The following HS6ST3 variants were observed in gnomAD, a reference collection of about 807,000 sequenced individuals.
The protein encoded by HS6ST3 is heparan sulfate 6-O-sulfotransferase 3.
HS6ST3 carries 12 observed loss-of-function variants against 36.7 expected under a neutral mutation model. That is an observed-to-expected ratio of 0.33 (90% confidence interval 0.21 to 0.53). The LOEUF (loss-of-function observed/expected upper bound fraction) is 0.53, where lower values mean the gene tolerates loss of function less well. Among genes scored for constraint, HS6ST3 ranks in the 20% least tolerant of loss-of-function variants. The probability of loss-of-function intolerance (pLI) is 0.95; values close to 1 mark genes in which losing one functional copy is unlikely to be tolerated. For synonymous variants in HS6ST3, 240 were observed against 257.5 expected (o/e 0.93, Z 0.65); for missense variants, 584 against 640.9 (o/e 0.91, Z 0.96).
intron 1 of HS6ST3, among the ~76,000 whole-genome samples, chr13:96,118,643 AAGATATATATATATATATATATATAT>A (rs1292972036): frequency 1.5e-5 from 1 of 67,984 alleles, no homozygotes; most frequent in African/African-American, 6.1e-5. Context: ...AAGAACATTA[AAGATATATATATATATATATATATAT>A]ATATATATAT....
rs869064004 is a variant in HS6ST3, at chr13:96,254,448, AATATATATATATATATATATATATATAT to A, written c.707+162903_707+162930del. Among the ~76,000 whole-genome samples the A allele has an allele frequency of 1.8e-3, 29 of 16,530 alleles. 2 individuals carry two copies. The highest frequency in any genetic ancestry group is 3.5e-3 in the African/African-American group (16 of 4,616). The allele number at this position is 16,530 out of a possible 152,430, so 10.8% of individuals were successfully genotyped here. A position where few individuals can be genotyped will look rare whatever the true frequency, so the allele number is the denominator to read the frequency against. On this transcript the variant is annotated intron_variant, in intron 1 of 1. Transcript: ENST00000376705. Reference sequence around the variant, plus strand: ...AAAAAAAAAAAAAAAAAAAAAAAAAAATATATATATATATATATATATATATATATATATATATATATATATATATACA... The same window carrying A: ...AAAAAAAAAAAAAAAAAAAAAAAAAAATATATATATATATATATATATACA...
intron 1 of HS6ST3, among the ~76,000 whole-genome samples, chr13:96,314,658 A>G (rs934106613): frequency 6.6e-6 from 1 of 152,212 alleles, no homozygotes; most frequent in Non-Finnish European, 1.5e-5. Context: ...TTTCAAAAAC[A>G]TATTGTGGAA....
intron 1 of HS6ST3, among the ~76,000 whole-genome samples, chr13:96,238,332 C>G (rs1037329319): frequency 6.6e-6 from 1 of 152,196 alleles, no homozygotes; most frequent in Non-Finnish European, 1.5e-5. Context: ...ACTAACTCTC[C>G]CTGCACCCAG....
intron 1 of HS6ST3, among the ~76,000 whole-genome samples, chr13:96,143,064 C>A (rs1048224290): frequency 1.3e-5 from 2 of 152,072 alleles, no homozygotes; most frequent in African/African-American, 2.4e-5. Context: ...AACTTGACAT[C>A]TTTTAAGATC....
At chr13:96,624,265 AC>A (rs2056504698) in intron 1 of HS6ST3, among the ~76,000 whole-genome samples, 1 of 152,134 alleles carries the variant, frequency 6.6e-6, no homozygotes, top group Admixed American at 6.5e-5. Context: ...TCTCTACCTG[AC>A]CACAGAATTT....
chr13:96,802,309 A>G (rs1482142839), intron 1 of HS6ST3, among the ~76,000 whole-genome samples: 2 of 152,182 alleles, frequency 1.3e-5, no homozygotes, highest in South Asian at 2.1e-4. Context: ...TGACTGTTGT[A>G]TAGAAAACCA....
intron 1 of HS6ST3, among the ~76,000 whole-genome samples, chr13:96,795,100 A>C (rs1340843046): frequency 2.0e-5 from 3 of 152,066 alleles, no homozygotes; most frequent in African/African-American, 4.8e-5. Context: ...TGCCTAAAAA[A>C]TTTACTTATG....
intron 1 of HS6ST3, among the ~76,000 whole-genome samples, chr13:96,359,456 CCTT>C (rs1267284454): frequency 6.6e-6 from 1 of 152,118 alleles, no homozygotes; most frequent in Admixed American, 6.6e-5. Context: ...TTTTAGAAAA[CCTT>C]CTTTTCTTTC....
At chr13:96,642,615 T>G (rs1443727111) in intron 1 of HS6ST3, among the ~76,000 whole-genome samples, 1 of 151,948 alleles carries the variant, frequency 6.6e-6, no homozygotes, top group African/African-American at 2.4e-5. Flanking sequence ...TAATTTCAAT[T>G]GACTTATCTT....
intron 1 of HS6ST3, among the ~76,000 whole-genome samples, chr13:96,372,950 A>C (rs1036923071): frequency 6.6e-6 from 1 of 152,032 alleles, no homozygotes; most frequent in Non-Finnish European, 1.5e-5. Context: ...AGTTCTAGAG[A>C]CCACAAATTC....
intron 1 of HS6ST3, among the ~76,000 whole-genome samples, chr13:96,713,720 T>C (rs751680279): frequency 1.8e-4 from 28 of 152,130 alleles, no homozygotes; most frequent in Non-Finnish European, 3.7e-4. Flanking sequence ...ACATAAAGCC[T>C]CAAAAGAGAA....
At chr13:96,141,992 C>T (rs900549019) in intron 1 of HS6ST3, among the ~76,000 whole-genome samples, 7 of 126,394 alleles carry the variant, frequency 5.5e-5, no homozygotes, top group African/African-American at 2.2e-4. Flanking sequence ...AGATTTATGA[C>T]AGAGCCAATC....
At chr13:96,396,451 T>A (rs1016273092) in intron 1 of HS6ST3, among the ~76,000 whole-genome samples, 2 of 152,180 alleles carry the variant, frequency 1.3e-5, no homozygotes, top group African/African-American at 4.8e-5. Context: ...TCCAAATTAA[T>A]CCTGCCCAGC....
At chr13:96,828,620 G>A (rs542824750) in intron 1 of HS6ST3, among the ~76,000 whole-genome samples, 6 of 152,126 alleles carry the variant, frequency 3.9e-5, no homozygotes, top group South Asian at 4.1e-4. Flanking sequence ...TTTATTCAAC[G>A]TTAAGTTAAA....
At chr13:96,220,005 A>G (rs1280848521) in intron 1 of HS6ST3, among the ~76,000 whole-genome samples, 1 of 152,150 alleles carries the variant, frequency 6.6e-6, no homozygotes, top group East Asian at 1.9e-4. Flanking sequence ...CTTAAACTCT[A>G]GTGGCATCAT....
chr13:96,496,349 C>T lies in HS6ST3; in HGVS notation c.708-336141C>T, dbSNP rs578180181. On this transcript the variant is annotated intron_variant, in intron 1 of 1. Transcript: ENST00000376705. ...CCAAGAAGGCCACCATCAATGCCTT[C>T]CCGCTTTGTACACTCACGCTGCTTG... is the stretch of plus-strand genomic sequence containing the variant. Among the ~76,000 whole-genome samples the T allele has an allele frequency of 2.0e-5, 3 of 152,274 alleles. No individual in the cohort carries two copies. The South Asian group carries it at 6.2e-4, about 32-fold the overall frequency.
At chr13:96,333,986 T>C (rs1224386577) in intron 1 of HS6ST3, among the ~76,000 whole-genome samples, 1 of 152,086 alleles carries the variant, frequency 6.6e-6, no homozygotes, top group Non-Finnish European at 1.5e-5. Flanking sequence ...TTCTGGGACA[T>C]AGGGTACCTG....
rs939715356 is a variant in HS6ST3 at position 96,452,110 on chromosome 13, C to T, written c.707+360541C>T. Among the ~76,000 whole-genome samples, 6 of 152,236 alleles carry T rather than the reference C, an allele frequency of 3.9e-5. No homozygotes were observed. The East Asian group carries it at 1.2e-3, about 29-fold the overall frequency. On this transcript the variant is annotated intron_variant, in intron 1 of 1. Transcript: ENST00000376705. ...CACATTGCAATGAACATAAAATTTGCATCTTGTTTTATTTTTCACTCTCTT... is the reference window on the plus strand; with the variant it reads ...CACATTGCAATGAACATAAAATTTGTATCTTGTTTTATTTTTCACTCTCTT...
intron 1 of HS6ST3, among the ~76,000 whole-genome samples, chr13:96,501,530 T>C (rs958359502): frequency 6.6e-6 from 1 of 152,162 alleles, no homozygotes; most frequent in African/African-American, 2.4e-5. Context: ...AGTAACCTAC[T>C]TCATAGGGCA....
Sources: gnomAD v4.1 joint callset for allele counts (sites outside exome capture counted in the v4.1 genomes callset) on GRCh38, gnomAD v4.1.1 for gene constraint, MANE v1.5 for transcripts, NCBI Gene and HGNC (gene_info 2026-07-23, HGNC 2026-07-21) for gene names.